CES3: variants seen among roughly 807,000 people sequenced by gnomAD.
CES3 encodes carboxylesterase 3.
In CES3, 49 loss-of-function variants were observed where a neutral mutation model predicts 57.6. The observed-to-expected ratio is 0.85, with a 90% confidence interval of 0.68 to 1.08. The LOEUF (loss-of-function observed/expected upper bound fraction) is 1.08, where lower values mean the gene tolerates loss of function less well. CES3 is among the 50% of genes least tolerant of loss of function. The pLI is 0.00. For missense variants in CES3, 645 were observed against 742.0 expected (o/e 0.87, Z 1.52); for synonymous variants, 266 against 281.6 (o/e 0.94, Z 0.55).
chr16:66,967,763 G>A, intron 8 of CES3: 6 of 982,734 alleles, frequency 6.1e-6, no homozygotes, highest in Non-Finnish European at 7.2e-6. Flanking sequence ...TGTTGTTTGT[G>A]TGTTTGTTTG....
At chr16:66,971,348 C>T (rs774328616) in intron 10 of CES3, 29 bp downstream of exon 10, 3 of 1,602,760 alleles carry the variant, frequency 1.9e-6, no homozygotes, top group Non-Finnish European at 2.6e-6. Flanking sequence ...ACCTGCCCAA[C>T]CCCTCCCACT....
In CES3 at chr16:66,973,008, C is replaced by T. The variant is rs377582456; in HGVS notation, c.1675C>T (p.His559Tyr). The T allele has an allele frequency of 1.9e-6, 3 of 1,613,916 alleles. No homozygotes were observed. The highest frequency in any genetic ancestry group is 2.5e-6 in the Non-Finnish European group (3 of 1,180,036). The change falls in exon 13 of 13, where the codon CAC becomes TAC. Residue 559 changes from histidine to tyrosine, a missense_variant. Transcript: ENST00000303334. ...ETLPSKIQQWHQKQKNRKAQE... is the reference protein window; with the variant it reads ...ETLPSKIQQWYQKQKNRKAQE... ...GCTCCCCAGCAAGATACAACAGTGG[C>T]ACCAGAAGCAGAAGAACAGGAAGGC... is the stretch of plus-strand genomic sequence containing the variant.
In CES3 at chr16:66,963,430, A is replaced by C; in HGVS notation, c.287+47A>C. ...GGGCAAACAGGCAGGTTGCAGGAGA[A>C]TCCTGCTGCTGGGGCTTGTGGGGCT... On this transcript the variant is annotated intron_variant, in intron 2 of 12. Transcript: ENST00000303334. This position sits in a 1 kb window ranked among gnomAD's most constrained non-coding sequence, Gnocchi z 4.9. The C allele has an allele frequency of 6.2e-7, 1 of 1,610,796 alleles. No homozygotes were observed. The highest frequency in any genetic ancestry group is 8.5e-7 in the Non-Finnish European group (1 of 1,177,474).
rs576145765 is a variant in CES3, at chr16:66,972,797, G to A, written c.1520+51G>A. ...GCTTTGGGCCTGGGATGCTCAGGTC[G>A]GCCCCTCTGGGGGACAGCACAGGAA... On this transcript the variant is annotated intron_variant, in intron 12 of 12. Coordinates refer to ENST00000303334, the MANE Select transcript of CES3 (RefSeq NM_024922.6). The A allele has an allele frequency of 1.6e-5, 26 of 1,613,874 alleles. No homozygotes were observed. In the East Asian group the frequency reaches 1.8e-4, roughly 11 times the overall value.
chr16:66,965,412 A>G (rs1158163060), intron 6 of CES3, among the ~76,000 whole-genome samples: 2 of 152,240 alleles, frequency 1.3e-5, no homozygotes, highest in Admixed American at 6.5e-5. Flanking sequence ...GAATAGGGAT[A>G]GAGCCATCGG....
Position 66,966,252 on chromosome 16 carries a change from A to G in CES3, c.828A>G (p.Ala276=), listed in dbSNP as rs1963727820. The change falls in exon 7 of 13, where the codon GCA becomes GCG. Residue 276 remains alanine, a synonymous_variant. Coordinates refer to ENST00000303334, the MANE Select transcript of CES3 (RefSeq NM_024922.6). ...SHPWPLAQKI[A]NTLACSSSSP... ...CTTTCATTTGTCCCCAGAAAATCGCAAACACCTTGGCCTGCAGCTCCAGCT... is the reference window on the plus strand; with the variant it reads ...CTTTCATTTGTCCCCAGAAAATCGCGAACACCTTGGCCTGCAGCTCCAGCT... 3 of 1,613,042 alleles carry G rather than the reference A, an allele frequency of 1.9e-6. No homozygotes were observed. Among genetic ancestry groups the G allele is most frequent in the African/African-American group, 1.3e-5 (1 of 74,928 alleles).
rs1205077051 is a variant in CES3, at chr16:66,961,408, G to T, written c.82+19G>T. On this transcript the variant is annotated intron_variant, in intron 1 of 12. Transcript: ENST00000303334. The stretch of plus-strand genomic sequence containing the variant: ...GCCACTGGTAAGACACACCTGCTGG[G>T]CCTGCAGAGGTACTTGGTGTGGAGG... The T allele has an allele frequency of 6.3e-7, 1 of 1,598,640 alleles. No individual in the cohort carries two copies. The highest frequency in any genetic ancestry group is 8.6e-7 in the Non-Finnish European group (1 of 1,169,200).
chr16:66,966,581 G>A, intron 7 of CES3, 144 bp from the exon 8 acceptor site: 1 of 1,090,434 alleles, frequency 9.2e-7, no homozygotes, highest in Non-Finnish European at 1.3e-6. Flanking sequence ...TGGTTCCCCC[G>A]ACCCCCTTAA....
intron 8 of CES3, among the ~76,000 whole-genome samples, chr16:66,968,822 G>A (rs1333662191): frequency 2.6e-5 from 4 of 152,268 alleles, no homozygotes; most frequent in Non-Finnish European, 4.4e-5. Flanking sequence ...GCTGAGGCAC[G>A]AGAATCACTT....
rs538055558 is a variant in CES3, at chr16:66,973,365, G to A, written c.*316G>A. Reference sequence around the variant, plus strand: ...CTTCCCTGCCTTCTCTGGGCTGTGCGGCCCCGAGTCTGCGTCCATTAGAGC... The same window carrying A: ...CTTCCCTGCCTTCTCTGGGCTGTGCAGCCCCGAGTCTGCGTCCATTAGAGC... On this transcript the variant is annotated 3_prime_UTR_variant, in exon 13 of 13. Transcript: ENST00000303334. 7.6e-5 allele frequency: 22 copies of A among 288,664 alleles called. 1 individual carries two copies. The highest frequency in any genetic ancestry group is 3.8e-4 in the East Asian group (5 of 13,068). The allele number at this position is 288,664 out of a possible 1,614,324, so 17.9% of individuals were successfully genotyped here.
Position 66,967,649 on chromosome 16 carries a change from CT to C in CES3, c.1062+785del, listed in dbSNP as rs367568143. 2.0e-4 allele frequency: 201 copies of C among 984,914 alleles called. No individual in the cohort carries two copies. In the East Asian group the frequency reaches 0.012, roughly 59 times the overall value. The allele number at this position is 984,914 out of a possible 1,614,324, so 61.0% of individuals were successfully genotyped here. A position where few individuals can be genotyped will look rare whatever the true frequency, so the allele number is the denominator to read the frequency against. On this transcript the variant is annotated intron_variant, in intron 8 of 12. Coordinates refer to ENST00000303334, the MANE Select transcript of CES3 (RefSeq NM_024922.6). ...TCTTGTTTCTGTCATTCTTATTCTT[CT>C]ACCCATCTTCACAGCAATCATTTTC...
At position 66,963,229 on chromosome 16, in the gene CES3, G is replaced by A. The variant is rs1567555141; in HGVS notation, c.133G>A (p.Gly45Ser). 3.7e-6 allele frequency: 6 copies of A among 1,614,104 alleles called. No individual in the cohort carries two copies. The highest frequency in any genetic ancestry group is 3.3e-4 in the Middle Eastern group (2 of 6,084). The part of the protein sequence containing the change: ...EVDTTLGRVR[G>S]RQVGVKGTDR... Reference sequence around the variant, plus strand: ...AGACACCACCCTGGGTCGTGTGCGAGGCCGGCAGGTGGGCGTGAAGGGCAC... The same window carrying A: ...AGACACCACCCTGGGTCGTGTGCGAAGCCGGCAGGTGGGCGTGAAGGGCAC... The change falls in exon 2 of 13, where the codon GGC becomes AGC. Residue 45 changes from glycine to serine, a missense_variant. Gly to Ser is a moderately conservative substitution (Grantham distance 56). Transcript: ENST00000303334. This position sits in a 1 kb window ranked among gnomAD's most constrained non-coding sequence, Gnocchi z 4.9.
chr16:66,970,548 G>A (rs1460720703), intron 9 of CES3, among the ~76,000 whole-genome samples: 2 of 152,226 alleles, frequency 1.3e-5, no homozygotes, highest in Non-Finnish European at 2.9e-5. Context: ...GCTGTCAGAT[G>A]TGGAGCTAGA....
At chr16:66,967,594 A>G (rs530146896) in intron 8 of CES3, 1 of 985,084 alleles carries the variant, frequency 1.0e-6, no homozygotes, top group East Asian at 1.1e-4. Context: ...TTCCCACAAG[A>G]GTGTCAGCAC....
Position 66,966,346 on chromosome 16 carries a change from G to C in CES3, c.921+1G>C, listed in dbSNP as rs774170586. The C allele has an allele frequency of 6.2e-7, 1 of 1,613,348 alleles. No individual in the cohort carries two copies. Among genetic ancestry groups the C allele is most frequent in the Admixed American group, 1.7e-5 (1 of 60,014 alleles). ...AGAGCTGGTCCTTAGCAAGAAGCTG[G>C]TATGGCCACCCTTTTGGGGATGGTG... is the stretch of plus-strand genomic sequence containing the variant. On this transcript the variant is annotated splice_donor_variant, in intron 7 of 12. Coordinates refer to ENST00000303334, the MANE Select transcript of CES3 (RefSeq NM_024922.6). LOFTEE classifies it high-confidence loss of function.
chr16:66,963,302 C>G lies in CES3; in HGVS notation c.206C>G (p.Pro69Arg). The change falls in exon 2 of 13, where the codon CCA (proline) becomes CGA (arginine). Residue 69 changes from proline to arginine, a missense_variant. Transcript: ENST00000303334. This position sits in a 1 kb window ranked among gnomAD's most constrained non-coding sequence, Gnocchi z 4.9. ...VFLGIPFAQPPLGPDRFSAPH... is the reference protein window; with the variant it reads ...VFLGIPFAQPRLGPDRFSAPH... ...CTGGGCATTCCATTTGCCCAGCCGC[C>G]ACTGGGCCCTGACCGGTTCTCAGCC... 6.2e-7 allele frequency: 1 copy of G among 1,613,952 alleles called. No individual in the cohort carries two copies. The highest frequency in any genetic ancestry group is 1.1e-5 in the South Asian group (1 of 91,088).
intron 6 of CES3, among the ~76,000 whole-genome samples, chr16:66,965,416 C>A (rs773367989): frequency 1.3e-5 from 2 of 152,134 alleles, no homozygotes; most frequent in African/African-American, 4.8e-5. Context: ...AGGGATAGAG[C>A]CATCGGGGAG....
At chr16:66,965,598 A>G (rs1049465980) in intron 6 of CES3, among the ~76,000 whole-genome samples, 3 of 152,140 alleles carry the variant, frequency 2.0e-5, no homozygotes, top group Non-Finnish European at 4.4e-5. Context: ...TCCTCCTCTC[A>G]ACCTCCCCAT....
intron 8 of CES3, 68 bp from the exon 9 acceptor site, chr16:66,969,611 G>T: frequency 2.7e-6 from 4 of 1,488,972 alleles, no homozygotes; most frequent in Non-Finnish European, 3.7e-6. Context: ...ACACTCTCTT[G>T]CCCAGGGCTG....
Sources: gnomAD v4.1 joint callset for allele counts (sites outside exome capture counted in the v4.1 genomes callset) on GRCh38, gnomAD v4.1.1 for gene constraint, Gnocchi (gnomAD v3.1) non-coding constraint, MANE v1.5 for transcripts, NCBI Gene and HGNC (gene_info 2026-07-23, HGNC 2026-07-21) for gene names.